KPNA3: variants seen among roughly 807,000 people sequenced by gnomAD.
The protein encoded by KPNA3 is importin subunit alpha-4.
Under a neutral mutation model 73.8 loss-of-function variants are expected in KPNA3, and 13 were observed. That is an observed-to-expected ratio of 0.18 (90% confidence interval 0.11 to 0.28). The LOEUF (loss-of-function observed/expected upper bound fraction) is 0.28. KPNA3 is among the 10% of genes least tolerant of loss of function. KPNA3 has a pLI of 1.00. For synonymous variants in KPNA3, 186 were observed against 206.9 expected (o/e 0.90, Z 0.87); for missense variants, 360 against 618.1 (o/e 0.58, Z 4.43).
At chr13:49,728,953 A>AACCT (rs2137550678) in intron 6 of KPNA3, among the ~76,000 whole-genome samples, 1 of 152,322 alleles carries the variant, frequency 6.6e-6, no homozygotes, top group Non-Finnish European at 1.5e-5. Flanking sequence ...TTAAAAAAAC[A>AACCT]ACCTGTAAAG....
intron 1 of KPNA3, among the ~76,000 whole-genome samples, chr13:49,791,920 C>A (rs578031584): frequency 2.0e-5 from 3 of 152,354 alleles, no homozygotes; most frequent in East Asian, 3.9e-4. Flanking sequence ...CCCCACCCCC[C>A]TCTGCGGGCC....
intron 1 of KPNA3, among the ~76,000 whole-genome samples, chr13:49,771,384 G>T (rs192183691): frequency 3.7e-4 from 57 of 152,276 alleles, no homozygotes; most frequent in African/African-American, 1.3e-3. Context: ...TCCTGATAAA[G>T]AAAATAAGTC....
chr13:49,705,661 A>C lies in KPNA3; in HGVS notation c.1332T>G (p.Asp444Glu). ...TTATTTCAGCTATTGTGCTTGCTTC[A>C]TCACCGGCCATTATCAGAATGTTTT... Reference protein sequence around the residue: ...GLKNILIMAGDEASTIAEIIE... With the variant: ...GLKNILIMAGEEASTIAEIIE... Residue 444 changes from aspartate (D) to glutamate (E), a missense_variant, in exon 15 of 17, where the codon GAT becomes GAG. By Grantham distance (45) the Asp-to-Glu change is conservative. Around this residue, in one of 3 missense-constraint regions of KPNA3, gnomAD observed 287 missense variants for 549.1 expected, o/e 0.52. Transcript: ENST00000261667. The C allele has an allele frequency of 6.2e-7, 1 of 1,614,112 alleles. No homozygotes were observed. Among genetic ancestry groups the C allele is most frequent in the South Asian group, 1.1e-5 (1 of 91,074 alleles).
At position 49,706,391 on chromosome 13, in the gene KPNA3, T is replaced by C. The variant is rs769689601; in HGVS notation, c.1033-19A>G. The C allele has an allele frequency of 6.5e-6, 10 of 1,526,828 alleles. No homozygotes were observed. The highest frequency in any genetic ancestry group is 9.1e-6 in the Non-Finnish European group (10 of 1,104,954). The allele number at this position is 1,526,828 out of a possible 1,614,324, so 94.6% of individuals were successfully genotyped here. A position where few individuals can be genotyped will look rare whatever the true frequency, so the allele number is the denominator to read the frequency against. On this transcript the variant is annotated intron_variant, in intron 12 of 16. Transcript: ENST00000261667. ...CTGCTTCCTATAATTGAACAAAATA[T>C]AGGGCACCTTTATTTGAAAAATAAT...
At chr13:49,776,097 T>C (rs758549213) in intron 1 of KPNA3, among the ~76,000 whole-genome samples, 2 of 152,190 alleles carry the variant, frequency 1.3e-5, no homozygotes, top group Non-Finnish European at 2.9e-5. Flanking sequence ...GTATTGTTAG[T>C]AGAGACAAGA....
At chr13:49,775,669 A>G (rs1954892233) in intron 1 of KPNA3, among the ~76,000 whole-genome samples, 2 of 152,096 alleles carry the variant, frequency 1.3e-5, no homozygotes, top group South Asian at 4.2e-4. Flanking sequence ...CTGTGTTCCC[A>G]AACTTCCTTT....
chr13:49,726,557 T>A (rs1451207263), intron 6 of KPNA3, among the ~76,000 whole-genome samples: 1 of 151,986 alleles, frequency 6.6e-6, no homozygotes, highest in Non-Finnish European at 1.5e-5. Flanking sequence ...ACAGATATGC[T>A]AAGGATGGGG....
intron 9 of KPNA3, among the ~76,000 whole-genome samples, chr13:49,720,865 TTAG>T (rs1272662587): frequency 6.6e-6 from 1 of 152,096 alleles, no homozygotes; most frequent in African/African-American, 2.4e-5. Context: ...TTTGTTTTAA[TTAG>T]TAGATTTAAC....
Position 49,732,354 on chromosome 13 carries a change from G to A in KPNA3, c.383+17C>T, listed in dbSNP as rs1265787989. 4 of 1,346,308 alleles carry A rather than the reference G, an allele frequency of 3.0e-6. No individual in the cohort carries two copies. Among genetic ancestry groups the A allele is most frequent in the Non-Finnish European group, 4.2e-6 (4 of 961,376 alleles). 83.4% of individuals were successfully genotyped at this position (1,346,308 alleles called of 1,614,324 possible). Reference sequence around the variant, plus strand: ...TTAACTGAAAAAAACTGAATAGGGAGTAAAATCCATACTTACTTATCATCC... The same window carrying A: ...TTAACTGAAAAAAACTGAATAGGGAATAAAATCCATACTTACTTATCATCC... On this transcript the variant is annotated intron_variant, in intron 6 of 16. Coordinates refer to ENST00000261667, the MANE Select transcript of KPNA3 (RefSeq NM_002267.4).
Position 49,722,047 on chromosome 13 carries a change from T to C in KPNA3, c.634A>G (p.Ile212Val). 1 of 1,612,168 alleles carries C rather than the reference T, an allele frequency of 6.2e-7. No individual in the cohort carries two copies. The change falls in exon 9 of 17, where the codon ATC becomes GTC. Residue 212 changes from isoleucine (I) to valine (V), a missense_variant. Transcript: ENST00000261667. The part of the protein sequence containing the change: ...KPLLSFISPS[I>V]PITFLRNVTW... ...ACGTTCCGAAGGAAGGTGATGGGGATGGAGGGACTGATGAAGGACAGAAGA... is the reference window on the plus strand; with the variant it reads ...ACGTTCCGAAGGAAGGTGATGGGGACGGAGGGACTGATGAAGGACAGAAGA...
intron 10 of KPNA3, among the ~76,000 whole-genome samples, chr13:49,713,639 ACAC>A (rs1954280285): frequency 4.6e-5 from 3 of 65,014 alleles, no homozygotes; most frequent in Non-Finnish European, 1.3e-4. Context: ...GGTGAAACAC[ACAC>A]ACACACACAC....
chr13:49,729,345 C>G (rs1212364758), intron 6 of KPNA3, among the ~76,000 whole-genome samples: 1 of 150,994 alleles, frequency 6.6e-6, no homozygotes, highest in East Asian at 1.9e-4. Context: ...GGTGGTTTGG[C>G]AAAATACTGG....
chr13:49,720,690 C>CCA (rs1348046805), intron 9 of KPNA3, among the ~76,000 whole-genome samples: 1 of 147,210 alleles, frequency 6.8e-6, no homozygotes, highest in African/African-American at 2.5e-5. Flanking sequence ...AAAGATTGTG[C>CCA]CACTGCACTC....
chr13:49,781,488 AC>A (rs201116943), intron 1 of KPNA3, among the ~76,000 whole-genome samples: 42 of 120,360 alleles, frequency 3.5e-4, no homozygotes, highest in African/African-American at 1.6e-3. Context: ...TCTTATAAAC[AC>A]AGTGCCTTAC....
chr13:49,755,309 G>T (rs1954701171), intron 1 of KPNA3, among the ~76,000 whole-genome samples: 1 of 152,026 alleles, frequency 6.6e-6, no homozygotes, highest in African/African-American at 2.4e-5. Context: ...TCCATTTATA[G>T]TAAAAACACT....
chr13:49,769,684 C>A (rs2137592243), intron 1 of KPNA3, among the ~76,000 whole-genome samples: 1 of 152,300 alleles, frequency 6.6e-6, no homozygotes, highest in Middle Eastern at 3.4e-3. Context: ...TTCTTCCATT[C>A]AAGGACATTT....
intron 1 of KPNA3, among the ~76,000 whole-genome samples, chr13:49,790,636 T>C (rs1188172520): frequency 1.3e-5 from 2 of 152,222 alleles, no homozygotes; most frequent in African/African-American, 4.8e-5. Context: ...AAATGTAATG[T>C]TGTGACCAAT....
At chr13:49,710,817 A>G in intron 11 of KPNA3, 74 bp downstream of exon 11, 2 of 1,298,900 alleles carry the variant, frequency 1.5e-6, no homozygotes, top group Non-Finnish European at 1.1e-6. Context: ...ATAGAATTAA[A>G]GCCTAGCTGT....
Position 49,770,737 on chromosome 13 carries a change from T to TA in KPNA3, c.69+21700dup, listed in dbSNP as rs1233042276. Among the ~76,000 whole-genome samples, 3 of 149,454 alleles carry TA rather than the reference T, an allele frequency of 2.0e-5. No homozygotes were observed. In the South Asian group the frequency reaches 6.3e-4, roughly 31 times the overall value. ...GCTCCAGTATTCTCTTGTATGTGGA[T>TA]AGTCATTTGTTCCATTTGTTGAAAA... On this transcript the variant is annotated intron_variant, in intron 1 of 16. Coordinates refer to ENST00000261667, the MANE Select transcript of KPNA3 (RefSeq NM_002267.4).
Sources: allele counts gnomAD v4.1 joint callset (sites outside exome capture counted in the v4.1 genomes callset), GRCh38; gene constraint gnomAD v4.1.1; regional missense constraint gnomAD v4.1.1; transcripts MANE v1.5; gene names NCBI Gene and HGNC (gene_info 2026-07-23, HGNC 2026-07-21).